SAR1B: variants seen among roughly 807,000 people sequenced by gnomAD.
SAR1B encodes small COPII coat GTPase SAR1B.
In SAR1B, 23 loss-of-function variants were observed where a neutral mutation model predicts 26.8. That is an observed-to-expected ratio of 0.86 (90% confidence interval 0.62 to 1.22). The LOEUF (loss-of-function observed/expected upper bound fraction) is 1.22, where lower values mean the gene tolerates loss of function less well. Ranked by LOEUF, SAR1B falls within the 50% of genes most tolerant of loss-of-function variation. The pLI, the probability that SAR1B is intolerant of heterozygous loss-of-function variation, is 0.00. For synonymous variants in SAR1B, 65 were observed against 80.8 expected (o/e 0.80, Z 1.05); for missense variants, 196 against 232.8 (o/e 0.84, Z 1.03).
intron 1 of SAR1B, among the ~76,000 whole-genome samples, chr5:134,630,903 T>TC (rs1765593159): frequency 1.4e-5 from 2 of 142,350 alleles, no homozygotes. Context: ...TTTTTTTTTT[T>TC]TTTTTTTTTT....
At chr5:134,619,527 TTTTTTG>T (rs1204328476) in intron 3 of SAR1B, among the ~76,000 whole-genome samples, 1 of 151,140 alleles carries the variant, frequency 6.6e-6, no homozygotes, top group African/African-American at 2.4e-5. Flanking sequence ...GCCAGACTAA[TTTTTTG>T]TTTTTGTTTT....
intron 4 of SAR1B, among the ~76,000 whole-genome samples, chr5:134,610,116 G>T (rs997919045): frequency 6.6e-6 from 1 of 150,950 alleles, no homozygotes; most frequent in Non-Finnish European, 1.5e-5. Context: ...GATTTTTTTT[G>T]CCAGTGATAA....
chr5:134,625,535 G>A (rs1383111558), intron 1 of SAR1B, among the ~76,000 whole-genome samples: 1 of 152,070 alleles, frequency 6.6e-6, no homozygotes, highest in East Asian at 1.9e-4. Context: ...GGGAAAATAG[G>A]GTAGAAAAAG....
In SAR1B at chr5:134,603,890, T is replaced by C. The variant is rs375748739; in HGVS notation, c.*3060A>G. On this transcript the variant is annotated 3_prime_UTR_variant, in exon 7 of 7. Transcript: ENST00000402673. ...GAAACAACGTTCTGCTTTTATGCTA[T>C]AAACCACAAAAAATTTGTATATGGA... The C allele has an allele frequency of 1.3e-5, 2 of 152,198 alleles. No homozygotes were observed. The highest frequency in any genetic ancestry group is 2.9e-5 in the Non-Finnish European group (2 of 68,032). 9.4% of individuals were successfully genotyped at this position (152,198 alleles called of 1,614,324 possible). A position where few individuals can be genotyped will look rare whatever the true frequency, so the allele number is the denominator to read the frequency against.
chr5:134,609,133 C>T, intron 5 of SAR1B: 1 of 457,016 alleles, frequency 2.2e-6, no homozygotes, highest in Non-Finnish European at 4.4e-6. Context: ...AAATATCTGA[C>T]CTGGGATACT....
chr5:134,624,519 G>GGTTA (rs1765464177), intron 1 of SAR1B, among the ~76,000 whole-genome samples: 1 of 151,976 alleles, frequency 6.6e-6, no homozygotes, highest in South Asian at 2.1e-4. Flanking sequence ...TGGGATAAGA[G>GGTTA]GTTAATAGGT....
chr5:134,605,786 A>C lies in SAR1B; in HGVS notation c.*1164T>G, dbSNP rs577062084. The C allele has an allele frequency of 6.6e-6, 1 of 152,324 alleles. No individual in the cohort carries two copies. The highest frequency in any genetic ancestry group is 1.9e-4 in the East Asian group (1 of 5,192). 9.4% of individuals were successfully genotyped at this position (152,324 alleles called of 1,614,324 possible). A position where few individuals can be genotyped will look rare whatever the true frequency, so the allele number is the denominator to read the frequency against. On this transcript the variant is annotated 3_prime_UTR_variant, in exon 7 of 7. Transcript: ENST00000402673. ...CACTTGTTTTCTTCTACCAGGATAT[A>C]AAATATGCCAAAGAATACAAAAGAG...
chr5:134,623,957 A>G lies in SAR1B; in HGVS notation c.58+5T>C. The G allele has an allele frequency of 6.3e-7, 1 of 1,595,908 alleles. No homozygotes were observed. Among genetic ancestry groups the G allele is most frequent in the Non-Finnish European group, 8.6e-7 (1 of 1,163,512 alleles). On this transcript the variant is annotated splice_donor_5th_base_variant and intron_variant, in intron 2 of 6. Transcript: ENST00000402673. ...TAACTGTAGAGAACAAAGGACCAAC[A>G]TTACCTAAAAACTGTAGCACACTGC...
At chr5:134,629,925 G>T (rs1765571248) in intron 1 of SAR1B, among the ~76,000 whole-genome samples, 1 of 151,542 alleles carries the variant, frequency 6.6e-6, no homozygotes, top group Non-Finnish European at 1.5e-5. Flanking sequence ...GAAAACGAAG[G>T]ATAAAACCAT....
In SAR1B at chr5:134,616,023, C is replaced by T. The variant is rs546213063; in HGVS notation, c.179-3267G>A. Among the ~76,000 whole-genome samples, 182 of 151,064 alleles carry T rather than the reference C, an allele frequency of 1.2e-3. 1 individual carries two copies. The highest frequency in any genetic ancestry group is 3.3e-3 in the African/African-American group (134 of 41,088). Reference sequence around the variant, plus strand: ...GGCGTGGTGGCAGATGCCTGTAATCCTAGCTACTAGGGAAGCTGAGACAGG... The same window carrying T: ...GGCGTGGTGGCAGATGCCTGTAATCTTAGCTACTAGGGAAGCTGAGACAGG... On this transcript the variant is annotated intron_variant, in intron 3 of 6. Transcript: ENST00000402673.
intron 3 of SAR1B, chr5:134,613,566 C>G (rs1210110989): frequency 6.6e-6 from 1 of 152,154 alleles, no homozygotes; most frequent in East Asian, 1.9e-4. Context: ...CTACTCACCA[C>G]AAATCCAACA....
At chr5:134,623,504 T>TAAAA (rs62986962) in intron 2 of SAR1B, among the ~76,000 whole-genome samples, 9 of 137,854 alleles carry the variant, frequency 6.5e-5, no homozygotes, top group African/African-American at 1.1e-4. Context: ...TCTATAAAAT[T>TAAAA]AAAAAAAAAA....
Position 134,606,107 on chromosome 5 carries a change from T to G in SAR1B, c.*843A>C, listed in dbSNP as rs1471175828. On this transcript the variant is annotated 3_prime_UTR_variant, in exon 7 of 7. Transcript: ENST00000402673. ...ACTATAGAGCCTACCAAACTGAGAA[T>G]CAACCTTGTGTACCATAAATGTGCT... The G allele has an allele frequency of 6.6e-6, 1 of 152,210 alleles. No individual in the cohort carries two copies. Among genetic ancestry groups the G allele is most frequent in the East Asian group, 1.9e-4 (1 of 5,200 alleles). 9.4% of individuals were successfully genotyped at this position (152,210 alleles called of 1,614,324 possible). A position where few individuals can be genotyped will look rare whatever the true frequency, so the allele number is the denominator to read the frequency against.
Position 134,612,677 on chromosome 5 carries a change from A to ATT in SAR1B, c.244+13_244+14insAA. The ATT allele has an allele frequency of 9.5e-7, 1 of 1,055,526 alleles. No individual in the cohort carries two copies. The highest frequency in any genetic ancestry group is 1.3e-6 in the Non-Finnish European group (1 of 762,960). 65.4% of individuals were successfully genotyped at this position (1,055,526 alleles called of 1,614,324 possible). A position where few individuals can be genotyped will look rare whatever the true frequency, so the allele number is the denominator to read the frequency against. On this transcript the variant is annotated intron_variant, in intron 4 of 6. Transcript: ENST00000402673. ...AAAAAAAAAAAAAAAAAAAAAAAAA[A>ATT]AAAAGAATCTTACCTTGAACATGTC... is the stretch of plus-strand genomic sequence containing the variant.
chr5:134,617,722 C>T (rs565614418), intron 3 of SAR1B, among the ~76,000 whole-genome samples: 6 of 152,016 alleles, frequency 3.9e-5, no homozygotes, highest in Non-Finnish European at 8.8e-5. Flanking sequence ...CCCTCTGTCG[C>T]CCAGGCTGGA....
chr5:134,628,045 A>G (rs1408810461), intron 1 of SAR1B, among the ~76,000 whole-genome samples: 2 of 151,818 alleles, frequency 1.3e-5, no homozygotes, highest in Admixed American at 1.3e-4. Flanking sequence ...AGGCTGAGGC[A>G]GGAGAATCGC....
intron 1 of SAR1B, among the ~76,000 whole-genome samples, chr5:134,627,688 G>A (rs554393297): frequency 2.0e-5 from 3 of 151,378 alleles, no homozygotes; most frequent in South Asian, 4.2e-4. Context: ...AGTCCCAGCT[G>A]CTCGGGAGGC....
chr5:134,620,567 A>C (rs1765388335), intron 3 of SAR1B, among the ~76,000 whole-genome samples: 1 of 152,182 alleles, frequency 6.6e-6, no homozygotes, highest in Non-Finnish European at 1.5e-5. Flanking sequence ...ATGCCCCCCA[A>C]ACAAAAAACT....
rs2150048346 is a variant in SAR1B at position 134,604,931 on chromosome 5, C to A, written c.*2019G>T. 1 of 152,270 alleles carries A rather than the reference C, an allele frequency of 6.6e-6. No homozygotes were observed. The highest frequency in any genetic ancestry group is 2.1e-4 in the South Asian group (1 of 4,826). The allele number at this position is 152,270 out of a possible 1,614,324, so 9.4% of individuals were successfully genotyped here. ...CTATTTAGTCAGAACTTAAGGAGTACTTTAAACCTATCTGGAAGAAGAAAT... is the reference window on the plus strand; with the variant it reads ...CTATTTAGTCAGAACTTAAGGAGTAATTTAAACCTATCTGGAAGAAGAAAT... On this transcript the variant is annotated 3_prime_UTR_variant, in exon 7 of 7. Coordinates refer to ENST00000402673, the MANE Select transcript of SAR1B (RefSeq NM_016103.4).
Sources: allele counts gnomAD v4.1 joint callset (sites outside exome capture counted in the v4.1 genomes callset), GRCh38; gene constraint gnomAD v4.1.1; transcripts MANE v1.5; gene names NCBI Gene and HGNC (gene_info 2026-07-23, HGNC 2026-07-21).